The following NRG3 variants were observed in gnomAD, a reference collection of about 807,000 sequenced individuals.
The protein encoded by NRG3 is neuregulin 3, also known as pro-neuregulin-3, membrane-bound isoform.
Under a neutral mutation model 66.9 loss-of-function variants are expected in NRG3, and 31 were observed. The ratio of observed to expected loss-of-function variants is 0.46; its 90% CI spans 0.35 to 0.63. NRG3 has a LOEUF of 0.63. Ranked by LOEUF, NRG3 falls within the 20% of genes least tolerant of loss-of-function variation. NRG3 has a pLI of 0.00. For missense variants in NRG3, 910 were observed against 878.9 expected, an observed-to-expected ratio of 1.04 and a Z score of -0.45; for synonymous variants, 393 against 359.4, an observed-to-expected ratio of 1.09 and a Z score of -1.06.
At position 82,299,493 on chromosome 10, in the gene NRG3, G is replaced by A. The variant is rs991882438; in HGVS notation, c.824-59246G>A. Among the ~76,000 whole-genome samples the A allele has an allele frequency of 7.3e-5, 11 of 151,624 alleles. No homozygotes were observed. The South Asian group carries it at 1.5e-3, about 20-fold the overall frequency. ...GAGCACAAAATCCACGAGCCATAGCGAAGAGGCCAGCATTTTTAAAAATGG... is the reference window on the plus strand; with the variant it reads ...GAGCACAAAATCCACGAGCCATAGCAAAGAGGCCAGCATTTTTAAAAATGG... On this transcript the variant is annotated intron_variant, in intron 1 of 8. Coordinates refer to ENST00000372141, the MANE Select transcript of NRG3 (RefSeq NM_001010848.4).
At chr10:82,727,632 G>A (rs1323932663) in intron 2 of NRG3, among the ~76,000 whole-genome samples, 1 of 152,234 alleles carries the variant, frequency 6.6e-6, no homozygotes, top group Admixed American at 6.5e-5. Context: ...GAGAACCTCT[G>A]CTAGGGCAGT....
chr10:82,342,942 G>T (rs372324093), intron 1 of NRG3, among the ~76,000 whole-genome samples: 1 of 151,956 alleles, frequency 6.6e-6, no homozygotes, highest in South Asian at 2.1e-4. Flanking sequence ...GTTAATTTTT[G>T]TATATGGTAA....
intron 4 of NRG3, among the ~76,000 whole-genome samples, chr10:82,928,950 G>T (rs1024321388): frequency 7.9e-5 from 12 of 152,128 alleles, no homozygotes; most frequent in Non-Finnish European, 1.8e-4. Context: ...CGAATTGCAT[G>T]GGAGTCCCAC....
chr10:82,954,710 T>A (rs559874880), intron 5 of NRG3, among the ~76,000 whole-genome samples: 2 of 151,704 alleles, frequency 1.3e-5, no homozygotes, highest in Admixed American at 1.3e-4. Context: ...CCCTTTTTTT[T>A]CTTTGCTTGA....
chr10:82,934,022 C>T (rs939692469), intron 4 of NRG3, among the ~76,000 whole-genome samples: 3 of 152,072 alleles, frequency 2.0e-5, no homozygotes, highest in Non-Finnish European at 2.9e-5. Flanking sequence ...AGTGTGTGCT[C>T]GGGCAATTTA....
At chr10:82,784,159 A>G (rs931686864) in intron 3 of NRG3, among the ~76,000 whole-genome samples, 1 of 152,200 alleles carries the variant, frequency 6.6e-6, no homozygotes, top group African/African-American at 2.4e-5. Flanking sequence ...AGCCATATGT[A>G]GAAAGCTGAA....
intron 7 of NRG3, among the ~76,000 whole-genome samples, chr10:82,975,713 T>A (rs1484776607): frequency 1.3e-5 from 2 of 152,228 alleles, no homozygotes; most frequent in Non-Finnish European, 1.5e-5. Context: ...CTGATTTATA[T>A]ATCCTGCAAA....
chr10:82,661,148 G>C (rs894916297), intron 2 of NRG3, among the ~76,000 whole-genome samples: 1 of 151,766 alleles, frequency 6.6e-6, no homozygotes, highest in African/African-American at 2.4e-5. Flanking sequence ...CTATTCCCTC[G>C]TCTGACAATT....
chr10:82,840,913 A>C (rs1221673627), intron 3 of NRG3, among the ~76,000 whole-genome samples: 1 of 152,130 alleles, frequency 6.6e-6, no homozygotes, highest in Non-Finnish European at 1.5e-5. Context: ...TATCCCCTAA[A>C]AAGACATACT....
At chr10:82,457,522 G>A (rs1014006356) in intron 2 of NRG3, among the ~76,000 whole-genome samples, 1 of 152,122 alleles carries the variant, frequency 6.6e-6, no homozygotes, top group African/African-American at 2.4e-5. Flanking sequence ...TGGACCAGCA[G>A]CAGTCCATGG....
intron 4 of NRG3, among the ~76,000 whole-genome samples, chr10:82,906,502 A>G (rs916356961): frequency 1.2e-4 from 19 of 152,336 alleles, no homozygotes; most frequent in African/African-American, 4.6e-4. Flanking sequence ...TAAAACAGCA[A>G]CAGTTTGACA....
At position 82,021,786 on chromosome 10, in the gene NRG3, A is replaced by ATGTG. The variant is rs71950373; in HGVS notation, c.823+145669_823+145672dup. Among the ~76,000 whole-genome samples the ATGTG allele has an allele frequency of 2.9e-3, 179 of 61,084 alleles. 1 individual carries two copies. The highest frequency in any genetic ancestry group is 7.6e-3 in the African/African-American group (155 of 20,474). The allele number at this position is 61,084 out of a possible 152,430, so 40.1% of individuals were successfully genotyped here. On this transcript the variant is annotated intron_variant, in intron 1 of 8. Coordinates refer to ENST00000372141, the MANE Select transcript of NRG3 (RefSeq NM_001010848.4). Reference sequence around the variant, plus strand: ...TCTAATAAGCTTTTGGGCATGTAGTATGTGTGTGTGTGTGTGTGTGTGTGT... The same window carrying ATGTG: ...TCTAATAAGCTTTTGGGCATGTAGTATGTGTGTGTGTGTGTGTGTGTGTGTGTGT...
intron 6 of NRG3, 56 bp from the exon 7 acceptor site, chr10:82,973,732 A>G (rs1028883878): frequency 1.8e-5 from 29 of 1,603,292 alleles, no homozygotes; most frequent in Non-Finnish European, 2.5e-5. Context: ...CTCTGGTGTT[A>G]TAGGCCCTCC....
intron 3 of NRG3, among the ~76,000 whole-genome samples, chr10:82,848,739 C>A (rs906894583): frequency 6.6e-6 from 1 of 152,086 alleles, no homozygotes; most frequent in African/African-American, 2.4e-5. Flanking sequence ...GGGAGGGACC[C>A]AGTGGGAGAC....
intron 2 of NRG3, among the ~76,000 whole-genome samples, chr10:82,582,797 CAT>C (rs2046439572): frequency 6.6e-6 from 1 of 151,858 alleles, no homozygotes; most frequent in African/African-American, 2.4e-5. Flanking sequence ...ATTTATATAG[CAT>C]CATGGTCAAA....
At chr10:82,013,469 T>C (rs1394204193) in intron 1 of NRG3, among the ~76,000 whole-genome samples, 2 of 152,192 alleles carry the variant, frequency 1.3e-5, no homozygotes, top group Non-Finnish European at 2.9e-5. Context: ...AGTGGTAATA[T>C]ATACAAAGAG....
At chr10:82,315,185 G>A (rs982491128) in intron 1 of NRG3, among the ~76,000 whole-genome samples, 3 of 152,156 alleles carry the variant, frequency 2.0e-5, no homozygotes, top group Non-Finnish European at 4.4e-5. Context: ...AAGAAAGGCA[G>A]TGCAAGGTCT....
At chr10:82,484,490 G>C (rs530705702) in intron 2 of NRG3, among the ~76,000 whole-genome samples, 1 of 152,174 alleles carries the variant, frequency 6.6e-6, no homozygotes, top group Non-Finnish European at 1.5e-5. Context: ...TGTCATTACT[G>C]TTATTGTTTT....
intron 1 of NRG3, among the ~76,000 whole-genome samples, chr10:82,263,238 A>G (rs1452749859): frequency 6.6e-6 from 1 of 152,098 alleles, no homozygotes; most frequent in Non-Finnish European, 1.5e-5. Context: ...GAAAATAAAG[A>G]AAAACGGATA....
Sources: allele counts gnomAD v4.1 joint callset (sites outside exome capture counted in the v4.1 genomes callset), GRCh38; gene constraint gnomAD v4.1.1; transcripts MANE v1.5; gene names NCBI Gene and HGNC (gene_info 2026-07-23, HGNC 2026-07-21).